The following CREBBP variants were observed in gnomAD, a reference collection of about 807,000 sequenced individuals.
CREBBP encodes the protein CREB binding lysine acetyltransferase.
A neutral mutation model predicts 265.0 loss-of-function variants in CREBBP; 19 were observed. The observed-to-expected ratio is 0.07, with a 90% CI of 0.05 to 0.11. The LOEUF is 0.11. Among genes scored for constraint, CREBBP ranks in the 10% least tolerant of loss-of-function variants. The probability of loss-of-function intolerance (pLI) is 1.00; values close to 1 mark genes in which losing one functional copy is unlikely to be tolerated. For missense variants in CREBBP, 2,525 were observed against 3,219.0 expected, an observed-to-expected ratio of 0.78 and a Z score of 5.22; for synonymous variants, 1,457 against 1,223.7, an observed-to-expected ratio of 1.19 and a Z score of -3.98.
intron 1 of CREBBP, among the ~76,000 whole-genome samples, chr16:3,857,239 C>T (rs1387712372): frequency 4.6e-5 from 7 of 152,100 alleles, no homozygotes; most frequent in African/African-American, 1.7e-4. Context: ...CTGCTACACT[C>T]TGACCACCGT....
intron 2 of CREBBP, among the ~76,000 whole-genome samples, chr16:3,839,928 C>T (rs955444853): frequency 2.0e-5 from 3 of 152,096 alleles, no homozygotes; most frequent in Non-Finnish European, 4.4e-5. Context: ...AAGGTAGGTA[C>T]ATCCTGAATC....
chr16:3,856,113 C>T (rs2054957186), intron 1 of CREBBP, among the ~76,000 whole-genome samples: 1 of 152,176 alleles, frequency 6.6e-6, no homozygotes. Context: ...ATGTACCCCC[C>T]CAAATAACAA....
intron 16 of CREBBP, among the ~76,000 whole-genome samples, chr16:3,764,407 A>C (rs1209754187): frequency 6.6e-6 from 1 of 151,528 alleles, no homozygotes; most frequent in African/African-American, 2.4e-5. Flanking sequence ...CTCCTGAGCC[A>C]TTGGGACTAC....
chr16:3,850,270 G>A (rs200579324), intron 2 of CREBBP, 27 bp downstream of exon 2: 5 of 1,611,448 alleles, frequency 3.1e-6, no homozygotes, highest in East Asian at 2.2e-5. Context: ...TAGGTAGGAA[G>A]TATTGAAAGT....
chr16:3,818,230 G>A (rs1432054186), intron 2 of CREBBP, among the ~76,000 whole-genome samples: 1 of 151,990 alleles, frequency 6.6e-6, no homozygotes, highest in Admixed American at 6.5e-5. Flanking sequence ...CGCAGAACTT[G>A]ACCTAGAGTC....
intron 25 of CREBBP, among the ~76,000 whole-genome samples, chr16:3,739,068 T>TAAAC (rs960775249): frequency 2.6e-5 from 4 of 152,152 alleles, no homozygotes; most frequent in African/African-American, 7.2e-5. Context: ...CAGGATGTGA[T>TAAAC]AAACAAACAA....
At chr16:3,793,146 AAGC>A (rs756302796) in intron 4 of CREBBP, among the ~76,000 whole-genome samples, 2 of 152,244 alleles carry the variant, frequency 1.3e-5, no homozygotes, top group Non-Finnish European at 2.9e-5. Context: ...GCACAGCTTC[AAGC>A]AGCAGAAGTT....
intron 1 of CREBBP, among the ~76,000 whole-genome samples, chr16:3,877,183 A>G (rs2055419971): frequency 1.3e-5 from 2 of 152,040 alleles, no homozygotes; most frequent in Non-Finnish European, 1.5e-5. Flanking sequence ...ACTAGGCCCA[A>G]TTTTCCCCTG....
At chr16:3,804,265 C>T (rs1317546291) in intron 3 of CREBBP, among the ~76,000 whole-genome samples, 2 of 152,102 alleles carry the variant, frequency 1.3e-5, no homozygotes, top group Admixed American at 6.6e-5. Context: ...TTTTAGAATA[C>T]TCTTCTTGAA....
rs2051725451 is a variant in CREBBP, at chr16:3,725,751, ACCAAGT to A, written c.*1961_*1966del. 1.3e-5 allele frequency: 3 copies of A among 233,146 alleles called. No homozygotes were observed. The highest frequency in any genetic ancestry group is 5.6e-5 in the Admixed American group (1 of 17,778). The allele number at this position is 233,146 out of a possible 1,614,324, so 14.4% of individuals were successfully genotyped here. Reference sequence around the variant, plus strand: ...AGGTTCCTCGAATTCAGATTCCCAAACCAAGTATTCAGCTATTTAAAACCTATCTGT... The same window carrying A: ...AGGTTCCTCGAATTCAGATTCCCAAAATTCAGCTATTTAAAACCTATCTGT... On this transcript the variant is annotated 3_prime_UTR_variant, in exon 31 of 31. Coordinates refer to ENST00000262367, the MANE Select transcript of CREBBP (RefSeq NM_004380.3).
At chr16:3,830,045 G>A (rs1329460529) in intron 2 of CREBBP, among the ~76,000 whole-genome samples, 1 of 152,150 alleles carries the variant, frequency 6.6e-6, no homozygotes, top group African/African-American at 2.4e-5. Context: ...AAGGTTATCA[G>A]AATAAATTAA....
intron 21 of CREBBP, 105 bp downstream of exon 21, chr16:3,749,522 G>A (rs146095713): frequency 1.2e-5 from 9 of 750,286 alleles, no homozygotes; most frequent in African/African-American, 8.8e-5. Flanking sequence ...TTCCACTTAC[G>A]GCAACATATT....
chr16:3,840,511 T>C (rs1028031444), intron 2 of CREBBP: 1 of 153,420 alleles, frequency 6.5e-6, no homozygotes, highest in African/African-American at 2.4e-5. Context: ...AAGCTCAGTG[T>C]TGTGTTGAGA....
chr16:3,828,563 T>TA (rs2141404983), intron 2 of CREBBP, among the ~76,000 whole-genome samples: 1 of 152,316 alleles, frequency 6.6e-6, no homozygotes, highest in East Asian at 1.9e-4. Context: ...CCTGGGAAAT[T>TA]AGACTCACTC....
chr16:3,830,593 A>G (rs1262951097), intron 2 of CREBBP, among the ~76,000 whole-genome samples: 1 of 152,242 alleles, frequency 6.6e-6, no homozygotes, highest in African/African-American at 2.4e-5. Context: ...CAGTTTCAAA[A>G]CACATGAAAC....
rs2051780779 is a variant in CREBBP, at chr16:3,727,658, T to C, written c.*60A>G. 6.2e-7 allele frequency: 1 copy of C among 1,613,406 alleles called. No homozygotes were observed. Among genetic ancestry groups the C allele is most frequent in the Admixed American group, 1.7e-5 (1 of 59,974 alleles). ...TAGGAATAAAAAGAACCTAGATGCCTGGATTTTCAGTACAAAAGGTCCAAG... is the reference window on the plus strand; with the variant it reads ...TAGGAATAAAAAGAACCTAGATGCCCGGATTTTCAGTACAAAAGGTCCAAG... On this transcript the variant is annotated 3_prime_UTR_variant, in exon 31 of 31. Transcript: ENST00000262367.
chr16:3,728,288 A>ATGCTGCTGCATGCGCTGC lies in CREBBP; in HGVS notation c.6741_6758dup (p.Gln2247_Gln2252dup), dbSNP rs767903262. 5 of 1,611,466 alleles carry ATGCTGCTGCATGCGCTGC rather than the reference A, an allele frequency of 3.1e-6. No individual in the cohort carries two copies. Among genetic ancestry groups the ATGCTGCTGCATGCGCTGC allele is most frequent in the Admixed American group, 1.7e-5 (1 of 59,918 alleles). On this transcript the variant is annotated inframe_insertion, in exon 31 of 31. Coordinates refer to ENST00000262367, the MANE Select transcript of CREBBP (RefSeq NM_004380.3). This position sits in a 1 kb window ranked among gnomAD's most constrained non-coding sequence, Gnocchi z 8.7. ...CCATGGAGCTGCCCTGGAGGGGGAG[A>ATGCTGCTGCATGCGCTGC]TGCTGCTGCATGCGCTGCTGCTGCT...
intron 4 of CREBBP, among the ~76,000 whole-genome samples, chr16:3,792,557 G>C (rs2053527041): frequency 6.6e-6 from 1 of 152,198 alleles, no homozygotes; most frequent in Non-Finnish European, 1.5e-5. Flanking sequence ...TGGTGAAGAA[G>C]TACTCGAGAG....
At chr16:3,864,976 T>C (rs769741074) in intron 1 of CREBBP, among the ~76,000 whole-genome samples, 2 of 152,164 alleles carry the variant, frequency 1.3e-5, no homozygotes, top group Non-Finnish European at 2.9e-5. Context: ...CCAGAATCAC[T>C]TGAATCTGAG....
Sources: gnomAD v4.1 joint callset for allele counts (sites outside exome capture counted in the v4.1 genomes callset) on GRCh38, gnomAD v4.1.1 for gene constraint, Gnocchi (gnomAD v3.1) non-coding constraint, MANE v1.5 for transcripts, NCBI Gene and HGNC (gene_info 2026-07-23, HGNC 2026-07-21) for gene names.